Variants in GALNT13 observed in about 807,000 individuals in gnomAD.
GALNT13 encodes the protein UDP-GalNAc:polypeptide N-acetylgalactosaminyltransferase 13.
Under a neutral mutation model 64.2 loss-of-function variants are expected in GALNT13, and 28 were observed. The observed-to-expected ratio is 0.44, with a 90% confidence interval of 0.32 to 0.60. The LOEUF is 0.60. Ranked by LOEUF, GALNT13 falls within the 20% of genes least tolerant of loss-of-function variation. The probability of loss-of-function intolerance (pLI) is 0.05; values close to 1 mark genes in which losing one functional copy is unlikely to be tolerated. For synonymous variants in GALNT13, 214 were observed against 224.6 expected (o/e 0.95, Z 0.42); for missense variants, 577 against 669.8 (o/e 0.86, Z 1.53).
intron 3 of GALNT13, among the ~76,000 whole-genome samples, chr2:154,140,020 G>A (rs1041652761): frequency 1.3e-5 from 2 of 151,998 alleles, no homozygotes; most frequent in Non-Finnish European, 2.9e-5. Context: ...TGTCTGCCTA[G>A]TGTTCAACTT....
rs1434761191 is a variant in GALNT13, at chr2:154,446,971, A to G, written c.1531-3440A>G. Among the ~76,000 whole-genome samples the G allele has an allele frequency of 4.0e-5, 5 of 126,354 alleles. No individual in the cohort carries two copies. The East Asian group carries it at 9.9e-4, about 25-fold the overall frequency. The allele number at this position is 126,354 out of a possible 152,430, so 82.9% of individuals were successfully genotyped here. On this transcript the variant is annotated intron_variant, in intron 12 of 12. Transcript: ENST00000392825. ...TGTGTTTAGTCTATCCTTAATGAGT[A>G]GGGGTTTTTTTGTTTTTTTTCTTTA...
At chr2:153,614,541 C>G in the GALNT13 span, among the ~76,000 whole-genome samples, 5 of 152,040 alleles carry the variant, frequency 3.3e-5, no homozygotes, top group Admixed American at 2.0e-4. Context: ...AGCTTCCTAT[C>G]TTCAGCTGAG....
At chr2:153,265,633 T>C in the GALNT13 span, among the ~76,000 whole-genome samples, 3 of 152,202 alleles carry the variant, frequency 2.0e-5, no homozygotes, top group African/African-American at 7.2e-5. Context: ...AAACCAGGTA[T>C]TGTGATCTCT....
At chr2:153,125,592 C>CA in the GALNT13 span, among the ~76,000 whole-genome samples, 1 of 152,034 alleles carries the variant, frequency 6.6e-6, no homozygotes, top group Non-Finnish European at 1.5e-5. Context: ...TGAAAAGGGG[C>CA]AATTTGTGGG....
the GALNT13 span, among the ~76,000 whole-genome samples, chr2:153,199,543 T>A: frequency 2.6e-5 from 4 of 152,330 alleles, no homozygotes; most frequent in South Asian, 8.3e-4. Flanking sequence ...CAAATAAAAC[T>A]GTTCTTCTTG....
chr2:153,335,433 G>T, the GALNT13 span, among the ~76,000 whole-genome samples: 3,266 of 152,304 alleles, frequency 0.021, 133 homozygotes, highest in African/African-American at 0.073. Context: ...CCAAGCTGAG[G>T]TGATCTCAGA....
intron 3 of GALNT13, among the ~76,000 whole-genome samples, chr2:154,073,197 A>C (rs1700823399): frequency 6.6e-6 from 1 of 150,958 alleles, no homozygotes; most frequent in Admixed American, 6.6e-5. Flanking sequence ...CTCATGTGTG[A>C]TGAATGTGTA....
the GALNT13 span, among the ~76,000 whole-genome samples, chr2:153,720,692 AC>A: frequency 4.8e-3 from 734 of 151,556 alleles, 3 homozygotes; most frequent in Non-Finnish European, 7.7e-3. Context: ...GATGCGATCA[AC>A]TGGAAGAAAG....
chr2:153,725,485 TAA>T, the GALNT13 span, among the ~76,000 whole-genome samples: 1 of 149,370 alleles, frequency 6.7e-6, no homozygotes, highest in Admixed American at 6.7e-5. Flanking sequence ...ATAGTAATAA[TAA>T]AAAAAAAGAA....
chr2:154,095,703 A>G (rs1166993044), intron 3 of GALNT13, among the ~76,000 whole-genome samples: 1 of 152,002 alleles, frequency 6.6e-6, no homozygotes, highest in Non-Finnish European at 1.5e-5. Context: ...ACTAAGCTTA[A>G]TAAGTAATTG....
chr2:154,304,359 A>C (rs1693617592), intron 9 of GALNT13, among the ~76,000 whole-genome samples: 1 of 152,120 alleles, frequency 6.6e-6, no homozygotes, highest in Non-Finnish European at 1.5e-5. Context: ...TAACCTTTTC[A>C]TTTTCTTTTG....
chr2:153,127,954 A>G, the GALNT13 span, among the ~76,000 whole-genome samples: 2 of 152,370 alleles, frequency 1.3e-5, no homozygotes, highest in East Asian at 3.9e-4. Flanking sequence ...TCTAGTGATT[A>G]CAATAGCCAT....
the GALNT13 span, among the ~76,000 whole-genome samples, chr2:153,859,828 A>C: frequency 6.6e-6 from 1 of 152,194 alleles, no homozygotes; most frequent in Non-Finnish European, 1.5e-5. Context: ...GACTTTACAA[A>C]GACTTGTAGT....
the GALNT13 span, among the ~76,000 whole-genome samples, chr2:153,501,434 C>T: frequency 2.0e-5 from 3 of 152,226 alleles, no homozygotes; most frequent in East Asian, 3.9e-4. Context: ...TAGTTACAAG[C>T]GATTCTCCCA....
At chr2:153,882,126 T>G (rs1278791733) in intron 1 of GALNT13, among the ~76,000 whole-genome samples, 1 of 149,826 alleles carries the variant, frequency 6.7e-6, no homozygotes, top group African/African-American at 2.5e-5. Flanking sequence ...GTTATAAAAC[T>G]ATTACAAATT....
chr2:153,339,547 C>T, the GALNT13 span, among the ~76,000 whole-genome samples: 2 of 152,092 alleles, frequency 1.3e-5, no homozygotes, highest in African/African-American at 2.4e-5. Flanking sequence ...CAAATATATT[C>T]TCCTATTCTG....
At chr2:154,417,934 G>A (rs548954566) in intron 11 of GALNT13, among the ~76,000 whole-genome samples, 21 of 151,930 alleles carry the variant, frequency 1.4e-4, no homozygotes, top group African/African-American at 4.6e-4. Context: ...TTAGACTGCA[G>A]AATTTTTTCT....
chr2:153,951,171 A>C (rs1469603516), intron 3 of GALNT13, among the ~76,000 whole-genome samples: 1 of 152,146 alleles, frequency 6.6e-6, no homozygotes, highest in African/African-American at 2.4e-5. Flanking sequence ...GTATTATTAC[A>C]GTCCTAGATT....
the GALNT13 span, among the ~76,000 whole-genome samples, chr2:153,080,731 C>A: frequency 5.3e-5 from 8 of 152,110 alleles, no homozygotes; most frequent in South Asian, 1.7e-3. Context: ...CTTCTAAAAT[C>A]TTTTAAATAT....
Sources: allele counts gnomAD v4.1 joint callset (sites outside exome capture counted in the v4.1 genomes callset), GRCh38; gene constraint gnomAD v4.1.1; transcripts MANE v1.5; gene names NCBI Gene and HGNC (gene_info 2026-07-23, HGNC 2026-07-21).